Variants in ABCC4 observed in about 807,000 individuals in gnomAD.
ABCC4 encodes ATP-binding cassette sub-family C member 4.
In ABCC4, 102 loss-of-function variants were observed where a neutral mutation model predicts 168.5. The observed-to-expected ratio is 0.61, with a 90% CI of 0.52 to 0.71. The LOEUF (loss-of-function observed/expected upper bound fraction) is 0.71. Ranked by LOEUF, ABCC4 falls within the 30% of genes least tolerant of loss-of-function variation. The pLI, the probability that ABCC4 is intolerant of heterozygous loss-of-function variation, is 0.00. For missense variants in ABCC4, 1,402 were observed against 1,605.8 expected, an observed-to-expected ratio of 0.87 and a Z score of 2.17; for synonymous variants, 617 against 590.7, an observed-to-expected ratio of 1.04 and a Z score of -0.65.
Position 95,029,167 on chromosome 13 carries a change from CATATATATATATATATATATAT to C in ABCC4, c.3870+5416_3870+5437del, listed in dbSNP as rs67576340. ...GAGTGAAACTGCTTTAAAAAAAATA[CATATATATATATATATATATAT>C]ATATATATATATATATATATATATA... On this transcript the variant is annotated intron_variant, in intron 30 of 30. Coordinates refer to ENST00000645237, the MANE Select transcript of ABCC4 (RefSeq NM_005845.5). 3.4e-3 allele frequency among the ~76,000 whole-genome samples: 284 copies of C among 82,874 alleles called. 1 individual carries two copies. Among genetic ancestry groups the C allele is most frequent in the African/African-American group, 0.013 (225 of 17,540 alleles). The allele number at this position is 82,874 out of a possible 152,430, so 54.4% of individuals were successfully genotyped here.
chr13:95,236,757 C>T (rs1314450696), intron 3 of ABCC4, among the ~76,000 whole-genome samples: 1 of 152,208 alleles, frequency 6.6e-6, no homozygotes, highest in African/African-American at 2.4e-5. Context: ...AATGCAGAGG[C>T]TCACCATTAC....
chr13:95,295,398 CCCCGTAAT>C (rs1233285654), intron 1 of ABCC4, among the ~76,000 whole-genome samples: 1 of 151,796 alleles, frequency 6.6e-6, no homozygotes, highest in Non-Finnish European at 1.5e-5. Context: ...AGTGGCTCGC[CCCCGTAAT>C]CCCAGCACTT....
At chr13:95,049,071 C>G (rs1234542830) in intron 27 of ABCC4, among the ~76,000 whole-genome samples, 1 of 152,176 alleles carries the variant, frequency 6.6e-6, no homozygotes, top group Non-Finnish European at 1.5e-5. Context: ...TGGTGGCTCA[C>G]GCCTGTAATC....
At chr13:95,026,067 T>A (rs939837347) in intron 30 of ABCC4, among the ~76,000 whole-genome samples, 1 of 151,876 alleles carries the variant, frequency 6.6e-6, no homozygotes, top group Non-Finnish European at 1.5e-5. Context: ...ATGAACATAA[T>A]GAAATCTTGT....
chr13:95,238,676 C>T (rs2039847447), intron 3 of ABCC4, among the ~76,000 whole-genome samples: 1 of 152,228 alleles, frequency 6.6e-6, no homozygotes, highest in African/African-American at 2.4e-5. Context: ...CTGCCTTGGC[C>T]TCCTGAGTAG....
chr13:95,170,753 A>C lies in ABCC4; in HGVS notation c.1728-125T>G, dbSNP rs2037441772. Reference sequence around the variant, plus strand: ...TCAAAGATCTAGAGGTTAAATACAAACTAAATACAAATATAAGCCAATAAA... The same window carrying C: ...TCAAAGATCTAGAGGTTAAATACAACCTAAATACAAATATAAGCCAATAAA... On this transcript the variant is annotated intron_variant, in intron 13 of 30. Coordinates refer to ENST00000645237, the MANE Select transcript of ABCC4 (RefSeq NM_005845.5). 7.2e-6 allele frequency: 4 copies of C among 551,746 alleles called. No individual in the cohort carries two copies. In the African/African-American group the frequency reaches 7.6e-5, roughly 11 times the overall value. 34.2% of individuals were successfully genotyped at this position (551,746 alleles called of 1,614,324 possible). A position where few individuals can be genotyped will look rare whatever the true frequency, so the allele number is the denominator to read the frequency against.
chr13:95,130,968 C>T (rs1286195505), intron 19 of ABCC4, among the ~76,000 whole-genome samples: 4 of 152,098 alleles, frequency 2.6e-5, no homozygotes, highest in African/African-American at 9.7e-5. Flanking sequence ...TTTTTCTAGG[C>T]TCCAAACTGA....
At chr13:95,218,979 AAGAAAGAGTGAGAAAGAAAGAAAG>A (rs2039224861) in intron 4 of ABCC4, among the ~76,000 whole-genome samples, 1 of 37,664 alleles carries the variant, frequency 2.7e-5, no homozygotes, top group Non-Finnish European at 6.4e-5. Flanking sequence ...GAAAGAAAGA[AAGAAAGAGTGAGAAAGAAAGAAAG>A]AGTGAGAAAG....
chr13:95,047,029 C>A (rs1339767601), intron 27 of ABCC4, among the ~76,000 whole-genome samples: 5 of 152,152 alleles, frequency 3.3e-5, no homozygotes, highest in Non-Finnish European at 7.4e-5. Context: ...GGATGAACTG[C>A]AACTTCATGG....
Position 95,053,085 on chromosome 13 carries a change from T to C in ABCC4, c.3456+10A>G, listed in dbSNP as rs2032907683. ...TAACAGACTAAAGATAATTACATTTTATCAATTACCTCTTGTAAGGCATTC... is the reference window on the plus strand; with the variant it reads ...TAACAGACTAAAGATAATTACATTTCATCAATTACCTCTTGTAAGGCATTC... On this transcript the variant is annotated intron_variant, in intron 27 of 30. Transcript: ENST00000645237. 6.2e-7 allele frequency: 1 copy of C among 1,605,052 alleles called. No homozygotes were observed. The highest frequency in any genetic ancestry group is 1.3e-5 in the African/African-American group (1 of 74,742).
Position 95,069,988 on chromosome 13 carries a change from C to T in ABCC4, c.3210+1674G>A, listed in dbSNP as rs534474709. On this transcript the variant is annotated intron_variant, in intron 25 of 30. Coordinates refer to ENST00000645237, the MANE Select transcript of ABCC4 (RefSeq NM_005845.5). ...GGCATGGTGGCTCATGCCTGTAATC[C>T]CAGGCATGATTTGGGAGGTTAAGGT... Among the ~76,000 whole-genome samples, 4 of 152,206 alleles carry T rather than the reference C, an allele frequency of 2.6e-5. No homozygotes were observed. In the East Asian group the frequency reaches 7.7e-4, roughly 29 times the overall value.
At chr13:95,126,814 AC>A (rs1371131008) in intron 19 of ABCC4, among the ~76,000 whole-genome samples, 4 of 141,616 alleles carry the variant, frequency 2.8e-5, no homozygotes, top group African/African-American at 1.0e-4. Flanking sequence ...ATTTAAGTAC[AC>A]CATATATATT....
At chr13:95,052,508 TA>T (rs2032885586) in intron 27 of ABCC4, among the ~76,000 whole-genome samples, 1 of 152,152 alleles carries the variant, frequency 6.6e-6, no homozygotes, top group Non-Finnish European at 1.5e-5. Context: ...AGGAACCACA[TA>T]AATAATAGAA....
intron 19 of ABCC4, among the ~76,000 whole-genome samples, chr13:95,149,401 T>C (rs1302494356): frequency 6.6e-6 from 1 of 152,190 alleles, no homozygotes; most frequent in Non-Finnish European, 1.5e-5. Flanking sequence ...AGGGAGTATA[T>C]AGAGAAGATT....
intron 29 of ABCC4, among the ~76,000 whole-genome samples, chr13:95,041,130 G>A (rs967554119): frequency 1.3e-5 from 2 of 152,184 alleles, no homozygotes; most frequent in African/African-American, 4.8e-5. Context: ...AGAAAAAAGA[G>A]GATTTCTAAT....
rs780319858 is a variant in ABCC4 at position 95,206,586 on chromosome 13, G to A, written c.1107C>T (p.Phe369=). The part of the protein sequence containing the change: ...GAVRLTVTLF[F]PSAIERVSEA... ...CTGACACCCTCTCAATGGCTGAGGG[G>A]AAGAAGAGGGTAACCGTCAGCCGCA... Residue 369 remains phenylalanine, a synonymous_variant, in exon 8 of 31, where the codon TTC becomes TTT. Coordinates refer to ENST00000645237, the MANE Select transcript of ABCC4 (RefSeq NM_005845.5). 2 of 1,614,050 alleles carry A rather than the reference G, an allele frequency of 1.2e-6. No homozygotes were observed. The highest frequency in any genetic ancestry group is 1.7e-6 in the Non-Finnish European group (2 of 1,180,040).
intron 20 of ABCC4, among the ~76,000 whole-genome samples, chr13:95,115,332 G>T (rs2035336690): frequency 6.6e-6 from 1 of 150,808 alleles, no homozygotes; most frequent in Non-Finnish European, 1.5e-5. Flanking sequence ...AAACAAAAAA[G>T]ACATTTTCTG....
intron 19 of ABCC4, among the ~76,000 whole-genome samples, chr13:95,137,688 G>A (rs532256118): frequency 3.3e-5 from 5 of 152,156 alleles, no homozygotes; most frequent in African/African-American, 1.2e-4. Context: ...CAATTTGCAC[G>A]GGTTCTTCAG....
At chr13:95,258,976 G>A (rs374162085) in intron 1 of ABCC4, among the ~76,000 whole-genome samples, 43 of 152,280 alleles carry the variant, frequency 2.8e-4, no homozygotes, top group African/African-American at 1.0e-3. Flanking sequence ...GGCTACATTG[G>A]GGCAGGGTGG....
Sources: gnomAD v4.1 joint callset for allele counts (sites outside exome capture counted in the v4.1 genomes callset) on GRCh38, gnomAD v4.1.1 for gene constraint, MANE v1.5 for transcripts, NCBI Gene and HGNC (gene_info 2026-07-23, HGNC 2026-07-21) for gene names.